ANKRD44: variants seen among roughly 807,000 people sequenced by gnomAD.
ANKRD44 encodes serine/threonine-protein phosphatase 6 regulatory ankyrin repeat subunit B.
ANKRD44 carries 35 observed loss-of-function variants against 116.0 expected under a neutral mutation model. That is an observed-to-expected ratio of 0.30 (90% CI 0.23 to 0.40). The LOEUF (loss-of-function observed/expected upper bound fraction) is 0.40, where lower values mean the gene tolerates loss of function less well. Ranked by LOEUF, ANKRD44 falls within the 10% of genes least tolerant of loss-of-function variation. The pLI is 1.00. For synonymous variants in ANKRD44, 435 were observed against 461.8 expected (o/e 0.94, Z 0.74); for missense variants, 1,014 against 1,242.6 (o/e 0.82, Z 2.77).
At chr2:197,106,824 G>C (rs1281273679) in intron 9 of ANKRD44, among the ~76,000 whole-genome samples, 1 of 133,358 alleles carries the variant, frequency 7.5e-6, no homozygotes, top group African/African-American at 2.9e-5. Context: ...TTTTTTTTCA[G>C]GAAAACATAA....
intron 1 of ANKRD44, among the ~76,000 whole-genome samples, chr2:197,227,802 C>G (rs565685531): frequency 1.3e-5 from 2 of 152,274 alleles, no homozygotes; most frequent in Non-Finnish European, 2.9e-5. Flanking sequence ...ATAGGTAAAG[C>G]TCAGATAATA....
At chr2:197,243,088 C>G (rs1413418950) in intron 1 of ANKRD44, among the ~76,000 whole-genome samples, 1 of 152,218 alleles carries the variant, frequency 6.6e-6, no homozygotes, top group Non-Finnish European at 1.5e-5. Context: ...TTTCACTGAG[C>G]AAGTGCTCTA....
At chr2:197,269,852 G>A (rs947086701) in intron 1 of ANKRD44, among the ~76,000 whole-genome samples, 1 of 152,172 alleles carries the variant, frequency 6.6e-6, no homozygotes, top group Non-Finnish European at 1.5e-5. Context: ...CAAAGAACAT[G>A]TAGGAATTTC....
chr2:197,037,417 T>G (rs1203689144), intron 16 of ANKRD44, among the ~76,000 whole-genome samples: 1 of 152,236 alleles, frequency 6.6e-6, no homozygotes, highest in East Asian at 1.9e-4. Context: ...GTATATTACT[T>G]CATGGCCATT....
chr2:197,239,110 C>G (rs1170058539), intron 1 of ANKRD44, among the ~76,000 whole-genome samples: 1 of 152,218 alleles, frequency 6.6e-6, no homozygotes, highest in East Asian at 1.9e-4. Flanking sequence ...CCAGCAATCT[C>G]ACCCAATTCC....
chr2:197,012,543 G>A lies in ANKRD44; in HGVS notation c.1924+968C>T, dbSNP rs577707153. 3.7e-4 allele frequency among the ~76,000 whole-genome samples: 53 copies of A among 144,320 alleles called. 3 individuals carry two copies. The South Asian group carries it at 0.012, about 32-fold the overall frequency. 94.7% of individuals were successfully genotyped at this position (144,320 alleles called of 152,430 possible). ...AACTATTACTAACCTTATGGCTAAC[G>A]TTTTTTTTTTTTCCAGCAACAATCA... On this transcript the variant is annotated intron_variant, in intron 18 of 27. Transcript: ENST00000282272.
intron 1 of ANKRD44, among the ~76,000 whole-genome samples, chr2:197,268,263 A>G (rs1219357625): frequency 1.3e-5 from 2 of 152,218 alleles, no homozygotes; most frequent in South Asian, 4.1e-4. Context: ...TAGCAAAGGT[A>G]GAAAGAGTGG....
chr2:197,000,308 T>C, intron 23 of ANKRD44, 111 bp downstream of exon 23: 1 of 821,582 alleles, frequency 1.2e-6, no homozygotes, highest in Non-Finnish European at 2.0e-6. Context: ...TTAAAAACCA[T>C]GCTTATCCAT....
At chr2:197,239,201 A>G (rs1003033871) in intron 1 of ANKRD44, among the ~76,000 whole-genome samples, 1 of 152,212 alleles carries the variant, frequency 6.6e-6, no homozygotes, top group Admixed American at 6.5e-5. Flanking sequence ...CTCTTGCCAG[A>G]ATACAGTCAC....
At chr2:197,070,417 TTTG>T (rs940280932) in intron 16 of ANKRD44, among the ~76,000 whole-genome samples, 7 of 152,176 alleles carry the variant, frequency 4.6e-5, no homozygotes, top group South Asian at 2.1e-4. Flanking sequence ...AGGAGAGTTT[TTTG>T]TTGTTGTTGT....
chr2:197,154,174 CTTTTTTTTTTT>C lies in ANKRD44; in HGVS notation c.112-7080_112-7070del, dbSNP rs1034922629. On this transcript the variant is annotated intron_variant, in intron 2 of 27. Transcript: ENST00000282272. ...GCCAATATCTGATGCTATCGGCTTT[CTTTTTTTTTTT>C]TTTTTTTTTTTTGAGACGGAGTCTC... 2.8e-5 allele frequency among the ~76,000 whole-genome samples: 3 copies of C among 106,790 alleles called. No homozygotes were observed. In the South Asian group the frequency reaches 9.0e-4, roughly 32 times the overall value. 70.1% of individuals were successfully genotyped at this position (106,790 alleles called of 152,430 possible).
At chr2:197,054,800 A>G (rs1559025115) in intron 16 of ANKRD44, among the ~76,000 whole-genome samples, 1 of 152,226 alleles carries the variant, frequency 6.6e-6, no homozygotes, top group Non-Finnish European at 1.5e-5. Flanking sequence ...CACCATTTGC[A>G]GACTAGTTTC....
At chr2:196,978,993 T>G (rs372497440) in intron 21 of ANKRD44, among the ~76,000 whole-genome samples, 1 of 152,056 alleles carries the variant, frequency 6.6e-6, no homozygotes, top group African/African-American at 2.4e-5. Flanking sequence ...TAAAGATTAT[T>G]AATTCTGGAG....
At chr2:197,032,390 C>CTTTTT (rs71012944) in intron 16 of ANKRD44, among the ~76,000 whole-genome samples, 1 of 140,818 alleles carries the variant, frequency 7.1e-6, no homozygotes, top group Admixed American at 7.1e-5. Context: ...GGAAGTGTCA[C>CTTTTT]TTTTTTTTTT....
intron 1 of ANKRD44, among the ~76,000 whole-genome samples, chr2:197,282,681 G>A (rs989920656): frequency 1.3e-5 from 2 of 152,022 alleles, no homozygotes; most frequent in East Asian, 1.9e-4. Flanking sequence ...CCTCCAGGCC[G>A]GGTGTGGTGG....
intron 1 of ANKRD44, chr2:197,301,340 A>G (rs2083902312): frequency 6.6e-6 from 1 of 152,146 alleles, no homozygotes; most frequent in Non-Finnish European, 1.5e-5. Context: ...GATTGCTTGA[A>G]TACATGGGAG....
At chr2:197,085,954 T>C (rs1165045324) in intron 13 of ANKRD44, among the ~76,000 whole-genome samples, 2 of 151,944 alleles carry the variant, frequency 1.3e-5, no homozygotes, top group African/African-American at 2.4e-5. Context: ...TGTGAGGTAC[T>C]CTGCAGTCAT....
At chr2:197,204,999 G>T (rs571892255) in intron 1 of ANKRD44, among the ~76,000 whole-genome samples, 1 of 152,210 alleles carries the variant, frequency 6.6e-6, no homozygotes, top group African/African-American at 2.4e-5. Flanking sequence ...AAAATGCAGC[G>T]AGCTGCCCAT....
intron 21 of ANKRD44, among the ~76,000 whole-genome samples, chr2:197,002,572 T>C (rs1014627220): frequency 6.6e-6 from 1 of 152,184 alleles, no homozygotes; most frequent in African/African-American, 2.4e-5. Context: ...GCCCTACCTA[T>C]GTCACAGGAT....
Sources: allele counts gnomAD v4.1 joint callset (sites outside exome capture counted in the v4.1 genomes callset), GRCh38; gene constraint gnomAD v4.1.1; transcripts MANE v1.5; gene names NCBI Gene and HGNC (gene_info 2026-07-23, HGNC 2026-07-21).